Variants in FRMD5 observed in about 807,000 individuals in gnomAD.
The protein encoded by FRMD5 is FERM domain-containing protein 5.
In FRMD5, 20 loss-of-function variants were observed where a neutral mutation model predicts 69.0. The ratio of observed to expected loss-of-function variants is 0.29; its 90% CI spans 0.20 to 0.42. FRMD5 has a LOEUF of 0.42. Ranked by LOEUF, FRMD5 falls within the 10% of genes least tolerant of loss-of-function variation. FRMD5 has a pLI of 1.00. For synonymous variants in FRMD5, 271 were observed against 260.1 expected (o/e 1.04, Z -0.40); for missense variants, 595 against 708.6 (o/e 0.84, Z 1.82).
intron 1 of FRMD5, among the ~76,000 whole-genome samples, chr15:43,954,405 C>T (rs2090082763): frequency 6.6e-6 from 1 of 152,102 alleles, no homozygotes; most frequent in African/African-American, 2.4e-5. Flanking sequence ...TTTACAGACC[C>T]CAAATTATTC....
chr15:43,989,559 C>T, intron 1 of FRMD5: 3 of 867,502 alleles, frequency 3.5e-6, no homozygotes, highest in East Asian at 2.4e-5. Flanking sequence ...ATGTCATGCA[C>T]AATTTCCCGC....
At chr15:43,996,206 G>A (rs1889916513) in intron 1 of FRMD5, among the ~76,000 whole-genome samples, 1 of 152,212 alleles carries the variant, frequency 6.6e-6, no homozygotes, top group African/African-American at 2.4e-5. Context: ...AGCAGGCCTG[G>A]AGCCTGGGGC....
intron 1 of FRMD5, among the ~76,000 whole-genome samples, chr15:43,949,374 A>G (rs988566856): frequency 6.6e-6 from 1 of 152,228 alleles, no homozygotes; most frequent in Non-Finnish European, 1.5e-5. Context: ...TAGGGCCCTC[A>G]TAACTTTCCA....
At chr15:44,070,659 T>C (rs1370898324) in intron 1 of FRMD5, among the ~76,000 whole-genome samples, 1 of 152,200 alleles carries the variant, frequency 6.6e-6, no homozygotes, top group African/African-American at 2.4e-5. Context: ...CAATAAATGT[T>C]TGCTATTATT....
chr15:43,994,124 T>C (rs967403708), intron 1 of FRMD5, among the ~76,000 whole-genome samples: 3 of 152,212 alleles, frequency 2.0e-5, no homozygotes, highest in Non-Finnish European at 4.4e-5. Context: ...ATTTTGTTAG[T>C]TGTTTTCTGA....
chr15:44,063,370 G>A (rs1893173848), intron 1 of FRMD5: 2 of 159,976 alleles, frequency 1.3e-5, no homozygotes, highest in Admixed American at 1.3e-4. Flanking sequence ...ATGTATTTAT[G>A]TATTTTAATA....
chr15:44,023,122 T>C (rs1263245051), intron 1 of FRMD5, among the ~76,000 whole-genome samples: 3 of 152,120 alleles, frequency 2.0e-5, no homozygotes, highest in Non-Finnish European at 4.4e-5. Flanking sequence ...GCCCCAGTCT[T>C]TGGGCCACAC....
intron 1 of FRMD5, among the ~76,000 whole-genome samples, chr15:43,953,952 TTATGGCACAGTTTAAACTGGTTCCCAGG>T (rs1358320624): frequency 6.6e-6 from 1 of 152,180 alleles, no homozygotes; most frequent in African/African-American, 2.4e-5. Flanking sequence ...TGCCTGAAGT[TTATGGCACAGTTTAAACTGGTTCCCAGG>T]TTTCTTGATC....
At chr15:43,967,095 A>G (rs1595569195) in intron 1 of FRMD5, among the ~76,000 whole-genome samples, 1 of 152,188 alleles carries the variant, frequency 6.6e-6, no homozygotes, top group African/African-American at 2.4e-5. Context: ...TAAAGCACAA[A>G]TAACTTTGGA....
chr15:44,091,499 TGCTTTCCTAAC>T (rs2076472339), intron 1 of FRMD5, among the ~76,000 whole-genome samples: 3 of 152,150 alleles, frequency 2.0e-5, no homozygotes. Flanking sequence ...CCTTAATGAA[TGCTTTCCTAAC>T]TAATTTTAGC....
At chr15:44,098,968 T>C (rs1385015772) in intron 1 of FRMD5, among the ~76,000 whole-genome samples, 1 of 152,186 alleles carries the variant, frequency 6.6e-6, no homozygotes, top group Non-Finnish European at 1.5e-5. Context: ...GTTTATAAAG[T>C]TGAGCAGGAC....
chr15:43,995,829 G>A (rs1889893737), intron 1 of FRMD5, among the ~76,000 whole-genome samples: 2 of 152,066 alleles, frequency 1.3e-5, no homozygotes, highest in African/African-American at 4.8e-5. Flanking sequence ...AGCCGTGAGA[G>A]CCAGCTTGGA....
chr15:43,996,668 G>T (rs1030972064), intron 1 of FRMD5, among the ~76,000 whole-genome samples: 5 of 135,138 alleles, frequency 3.7e-5, no homozygotes, highest in African/African-American at 1.4e-4. Context: ...TTACTGAATT[G>T]ATCTGAGTGG....
intron 1 of FRMD5, among the ~76,000 whole-genome samples, chr15:44,041,967 C>T (rs1231967067): frequency 1.3e-5 from 2 of 152,010 alleles, no homozygotes; most frequent in Admixed American, 6.6e-5. Context: ...ATGAAAAACC[C>T]CTCAAAAAAA....
At chr15:44,138,152 T>C (rs1384208998) in intron 1 of FRMD5, among the ~76,000 whole-genome samples, 1 of 151,972 alleles carries the variant, frequency 6.6e-6, no homozygotes, top group East Asian at 1.9e-4. Flanking sequence ...TCCAAATACA[T>C]GAAAAAAATT....
Position 43,873,114 on chromosome 15 carries a change from C to T in FRMD5, c.*771G>A. On this transcript the variant is annotated 3_prime_UTR_variant, in exon 14 of 14. Coordinates refer to ENST00000417257, the MANE Select transcript of FRMD5 (RefSeq NM_032892.5). Reference sequence around the variant, plus strand: ...AAAAAAATCACGTTAAGTCTAGTTTCATTATACAAAACTATGGTGATGCCC... The same window carrying T: ...AAAAAAATCACGTTAAGTCTAGTTTTATTATACAAAACTATGGTGATGCCC... 1.4e-6 allele frequency: 2 copies of T among 1,438,700 alleles called. No individual in the cohort carries two copies. The highest frequency in any genetic ancestry group is 2.5e-5 in the East Asian group (1 of 40,372). The allele number at this position is 1,438,700 out of a possible 1,614,324, so 89.1% of individuals were successfully genotyped here.
chr15:44,148,967 G>A (rs1016545102), intron 1 of FRMD5, among the ~76,000 whole-genome samples: 3 of 151,966 alleles, frequency 2.0e-5, no homozygotes, highest in Admixed American at 6.6e-5. Flanking sequence ...AGACTTATAC[G>A]TTTTAAAAAT....
chr15:43,942,672 A>C (rs1011443283), intron 1 of FRMD5, among the ~76,000 whole-genome samples: 1 of 152,252 alleles, frequency 6.6e-6, no homozygotes, highest in Admixed American at 6.5e-5. Context: ...ATGACAACAC[A>C]TAAGAGTCAA....
At chr15:44,141,520 A>T (rs1243696213) in intron 1 of FRMD5, among the ~76,000 whole-genome samples, 1 of 152,214 alleles carries the variant, frequency 6.6e-6, no homozygotes, top group East Asian at 1.9e-4. Flanking sequence ...GGCAAATTAG[A>T]TCACTACCAT....
Sources: gnomAD v4.1 joint callset for allele counts (sites outside exome capture counted in the v4.1 genomes callset) on GRCh38, gnomAD v4.1.1 for gene constraint, MANE v1.5 for transcripts, NCBI Gene and HGNC (gene_info 2026-07-23, HGNC 2026-07-21) for gene names.